Variants in SMARCA1 observed in about 807,000 individuals in gnomAD.
The protein encoded by SMARCA1 is SWI/SNF-related matrix-associated actin-dependent regulator of chromatin subfamily A member 1.
SMARCA1 carries 17 observed loss-of-function variants against 93.6 expected under a neutral mutation model. The ratio of observed to expected loss-of-function variants is 0.18; its 90% CI spans 0.12 to 0.27. SMARCA1 has a LOEUF of 0.27. SMARCA1 is among the 10% of genes least tolerant of loss of function. SMARCA1 has a pLI of 1.00. For synonymous variants in SMARCA1, 271 were observed against 271.4 expected (o/e 1.00, Z 0.01); for missense variants, 630 against 819.0 (o/e 0.77, Z 2.82).
rs939068508 is a variant in SMARCA1, at chrX:129,491,184, T to C, written c.1815+757A>G. ...GGAAAGCCTTCTAAGTTATACCTCA[T>C]TGGCATATGACTTTTCATTGCTCCC... On this transcript the variant is annotated intron_variant, in intron 14 of 24. Coordinates refer to ENST00000371121, the MANE Select transcript of SMARCA1 (RefSeq NM_001282874.2). Among the ~76,000 whole-genome samples, 8 of 112,040 alleles carry C rather than the reference T, an allele frequency of 7.1e-5. No homozygotes were observed. In the East Asian group the frequency reaches 1.4e-3, roughly 19 times the overall value.
chrX:129,454,820 A>G (rs1312681848), intron 23 of SMARCA1, among the ~76,000 whole-genome samples: 1 of 111,786 alleles, frequency 8.9e-6, no homozygotes, highest in Non-Finnish European at 1.9e-5. Context: ...TTTCAAAAGA[A>G]GACATTTATG....
At position 129,488,928 on chromosome X, in the gene SMARCA1, T is replaced by C; in HGVS notation, c.2097+9A>G. 8.8e-7 allele frequency: 1 copy of C among 1,139,698 alleles called. No homozygotes were observed. The highest frequency in any genetic ancestry group is 1.2e-6 in the Non-Finnish European group (1 of 838,259). 93.9% of individuals were successfully genotyped at this position (1,139,698 alleles called of 1,213,427 possible). On this transcript the variant is annotated intron_variant, in intron 16 of 24. Transcript: ENST00000371121. Reference sequence around the variant, plus strand: ...TCCAGCATGAAAATAAAATGCTATTTTAACTAACCTTCTTTTCCCCTCTTT... The same window carrying C: ...TCCAGCATGAAAATAAAATGCTATTCTAACTAACCTTCTTTTCCCCTCTTT...
chrX:129,476,930 G>C (rs1018760909), intron 19 of SMARCA1, among the ~76,000 whole-genome samples: 3 of 111,817 alleles, frequency 2.7e-5, no homozygotes, highest in African/African-American at 9.8e-5. Context: ...CTTAGCTCAG[G>C]TCCATAGTTC....
intron 9 of SMARCA1, among the ~76,000 whole-genome samples, chrX:129,502,285 G>A (rs980382052): frequency 3.6e-5 from 4 of 111,432 alleles, no homozygotes; most frequent in African/African-American, 6.5e-5. Context: ...GAGCATGTAC[G>A]AAAGTCAAAG....
chrX:129,516,023 AT>A (rs1935185712), intron 3 of SMARCA1, 29 bp from the exon 4 acceptor site: 2 of 1,029,652 alleles, frequency 1.9e-6, no homozygotes, highest in Non-Finnish European at 2.7e-6. Context: ...ATCCCTTCAT[AT>A]TCGACCTAAA....
Position 129,523,267 on chromosome X carries a change from T to C in SMARCA1, c.104A>G (p.Gln35Arg). 8.3e-7 allele frequency: 1 copy of C among 1,210,335 alleles called. No homozygotes were observed. The highest frequency in any genetic ancestry group is 1.1e-6 in the Non-Finnish European group (1 of 894,959). ...EDEQPGPSTSQEEGAAAAATE... is the reference protein window; with the variant it reads ...EDEQPGPSTSREEGAAAAATE... ...GGCCGCGGCGGCCGCTCCCTCCTCCTGAGAGGTGGACGGCCCGGGCTGCTC... is the reference window on the plus strand; with the variant it reads ...GGCCGCGGCGGCCGCTCCCTCCTCCCGAGAGGTGGACGGCCCGGGCTGCTC... The change falls in exon 1 of 25, where the codon CAG (glutamine) becomes CGG (arginine). Residue 35 changes from glutamine (Q) to arginine (R), a missense_variant. This residue lies in a region of SMARCA1 where 103 missense variants were observed against 82.0 expected (regional missense o/e 1.26). Coordinates refer to ENST00000371121, the MANE Select transcript of SMARCA1 (RefSeq NM_001282874.2).
chrX:129,479,994 G>A (rs959273740), intron 19 of SMARCA1, among the ~76,000 whole-genome samples: 8 of 111,640 alleles, frequency 7.2e-5, no homozygotes, highest in Middle Eastern at 9.2e-3. Context: ...CACTGCACCC[G>A]GCCAGTATTT....
intron 24 of SMARCA1, 95 bp from the exon 25 acceptor site, chrX:129,447,328 A>T (rs759723744): frequency 5.1e-5 from 47 of 929,974 alleles, no homozygotes; most frequent in Admixed American, 8.3e-5. Flanking sequence ...TTAAAAAAAA[A>T]TTTTAACATG....
At chrX:129,499,991 C>G in intron 9 of SMARCA1, 150 bp from the exon 10 acceptor site, 1 of 302,234 alleles carries the variant, frequency 3.3e-6, no homozygotes, top group Non-Finnish European at 5.8e-6. Flanking sequence ...TGGTAAAGAA[C>G]CACCAAGTAA....
rs753360765 is a variant in SMARCA1, at chrX:129,490,041, A to G, written c.1948+19T>C. ...GTGTTTTACAAAAAACACCTAATTA[A>G]GTTTCTATGTATAAATACCTTGTTG... is the stretch of plus-strand genomic sequence containing the variant. On this transcript the variant is annotated intron_variant, in intron 15 of 24. Transcript: ENST00000371121. 1 of 1,124,127 alleles carries G rather than the reference A, an allele frequency of 8.9e-7. No individual in the cohort carries two copies. Among genetic ancestry groups the G allele is most frequent in the Non-Finnish European group, 1.2e-6 (1 of 826,528 alleles). 92.6% of individuals were successfully genotyped at this position (1,124,127 alleles called of 1,213,427 possible).
chrX:129,473,170 C>T (rs1489314573), intron 19 of SMARCA1, among the ~76,000 whole-genome samples: 1 of 111,613 alleles, frequency 9.0e-6, no homozygotes, highest in Non-Finnish European at 1.9e-5. Flanking sequence ...GTGCTGCAGA[C>T]TTTTGAACAA....
In SMARCA1 at chrX:129,516,516, G is replaced by T; in HGVS notation, c.262-19C>A. On this transcript the variant is annotated intron_variant, in intron 2 of 24. Coordinates refer to ENST00000371121, the MANE Select transcript of SMARCA1 (RefSeq NM_001282874.2). ...CGGCTTTCTAATTTGCAAAACAAAAGAAAAGTAAGGACTTTCCTTTTCATT... is the reference window on the plus strand; with the variant it reads ...CGGCTTTCTAATTTGCAAAACAAAATAAAAGTAAGGACTTTCCTTTTCATT... 1 of 1,173,171 alleles carries T rather than the reference G, an allele frequency of 8.5e-7. No individual in the cohort carries two copies. Among genetic ancestry groups the T allele is most frequent in the South Asian group, 1.9e-5 (1 of 52,231 alleles).
rs1302331518 is a variant in SMARCA1 at position 129,480,099 on chromosome X, C to T, written c.2442+602G>A. Among the ~76,000 whole-genome samples the T allele has an allele frequency of 9.8e-5, 11 of 112,379 alleles. 1 individual carries two copies. Among genetic ancestry groups the T allele is most frequent in the African/African-American group, 3.2e-4 (10 of 30,967 alleles). ...CAACATACAGAAATTACCTGGTATGCTTACTCTCCCAATATGACAGATTTA... is the reference window on the plus strand; with the variant it reads ...CAACATACAGAAATTACCTGGTATGTTTACTCTCCCAATATGACAGATTTA... On this transcript the variant is annotated intron_variant, in intron 19 of 24. Coordinates refer to ENST00000371121, the MANE Select transcript of SMARCA1 (RefSeq NM_001282874.2).
chrX:129,451,780 T>C lies in SMARCA1; in HGVS notation c.3031-3337A>G, dbSNP rs1932309653. 2.9e-5 allele frequency among the ~76,000 whole-genome samples: 3 copies of C among 104,167 alleles called. No individual in the cohort carries two copies. In the South Asian group the frequency reaches 1.4e-3, roughly 48 times the overall value. 90.5% of individuals were successfully genotyped at this position (104,167 alleles called of 115,157 possible). ...GTGCAGTGGCACGATCTCGGCTCAC[T>C]GCAAGCTCCATCTCCCGGGTTCACA... On this transcript the variant is annotated intron_variant, in intron 23 of 24. Coordinates refer to ENST00000371121, the MANE Select transcript of SMARCA1 (RefSeq NM_001282874.2).
At chrX:129,500,324 C>G (rs185358272) in intron 9 of SMARCA1, among the ~76,000 whole-genome samples, 1 of 111,721 alleles carries the variant, frequency 9.0e-6, no homozygotes, top group African/African-American at 3.3e-5. Flanking sequence ...TGCACCACCA[C>G]GCCTGGCTCA....
In SMARCA1 at chrX:129,487,121, T is replaced by C; in HGVS notation, c.2114A>G (p.Glu705Gly). 9.4e-6 allele frequency: 11 copies of C among 1,174,593 alleles called. No individual in the cohort carries two copies. The highest frequency in any genetic ancestry group is 1.3e-5 in the Non-Finnish European group (11 of 869,002). ...AGACTCTCCCATTTTTTGCAGGCGTTCATTCATCTCTGCAGTCTAAAGGTG... is the reference window on the plus strand; with the variant it reads ...AGACTCTCCCATTTTTTGCAGGCGTCCATTCATCTCTGCAGTCTAAAGGTG... ...RGEKKTAEMNERLQKMGESSL... is the reference protein window; with the variant it reads ...RGEKKTAEMNGRLQKMGESSL... The change falls in exon 17 of 25, where the codon GAA becomes GGA. Residue 705 changes from glutamate to glycine, a missense_variant. Glu to Gly is a moderately conservative substitution (Grantham distance 98). Around this residue, in one of 4 missense-constraint regions of SMARCA1, gnomAD observed 382 missense variants for 537.9 expected, o/e 0.71. Transcript: ENST00000371121.
intron 23 of SMARCA1, among the ~76,000 whole-genome samples, chrX:129,456,944 C>A (rs1409004527): frequency 8.9e-6 from 1 of 112,315 alleles, no homozygotes; most frequent in Non-Finnish European, 1.9e-5. Flanking sequence ...TTTGAGGGGA[C>A]TGACTCCAAT....
chrX:129,494,500 G>C (rs1455843138), intron 12 of SMARCA1, among the ~76,000 whole-genome samples: 1 of 111,595 alleles, frequency 9.0e-6, no homozygotes, highest in Non-Finnish European at 1.9e-5. Context: ...TGTGCTTGCT[G>C]TGAACACTAT....
At position 129,484,050 on chromosome X, in the gene SMARCA1, A is replaced by T. The variant is rs746616889; in HGVS notation, c.2218-2865T>A. On this transcript the variant is annotated intron_variant, in intron 17 of 24. Transcript: ENST00000371121. ...CACCACTGTTACTGTCAGACATTTA[A>T]TTATAAAAATACAAGTCATCATGGT... is the stretch of plus-strand genomic sequence containing the variant. 2.0e-4 allele frequency among the ~76,000 whole-genome samples: 23 copies of T among 112,316 alleles called. No homozygotes were observed. In the East Asian group the frequency reaches 6.1e-3, roughly 30 times the overall value.
Sources: gnomAD v4.1 joint callset for allele counts (sites outside exome capture counted in the v4.1 genomes callset) on GRCh38, gnomAD v4.1.1 for gene constraint, gnomAD v4.1.1 regional missense constraint, MANE v1.5 for transcripts, NCBI Gene and HGNC (gene_info 2026-07-23, HGNC 2026-07-21) for gene names.